CDC23: variants seen among roughly 807,000 people sequenced by gnomAD.
The protein encoded by CDC23 is cell division cycle protein 23 homolog.
CDC23 carries 26 observed loss-of-function variants against 81.7 expected under a neutral mutation model. The observed-to-expected ratio is 0.32, with a 90% CI of 0.23 to 0.44. CDC23 has a LOEUF of 0.44. CDC23 is among the 20% of genes least tolerant of loss of function. The probability of loss-of-function intolerance (pLI) is 1.00; values close to 1 mark genes in which losing one functional copy is unlikely to be tolerated. For synonymous variants in CDC23, 267 were observed against 270.8 expected, an observed-to-expected ratio of 0.99 and a Z score of 0.14; for missense variants, 519 against 728.0, an observed-to-expected ratio of 0.71 and a Z score of 3.30.
chr5:138,195,708 C>CACAT (rs1474119519), intron 9 of CDC23, among the ~76,000 whole-genome samples: 7 of 59,094 alleles, frequency 1.2e-4, no homozygotes, highest in Non-Finnish European at 2.5e-4. Flanking sequence ...TGCATATATA[C>CACAT]ATATAATATA....
intron 9 of CDC23, among the ~76,000 whole-genome samples, chr5:138,194,360 C>T (rs1754859895): frequency 6.6e-6 from 1 of 151,848 alleles, no homozygotes; most frequent in Non-Finnish European, 1.5e-5. Flanking sequence ...CAGGAGAAAG[C>T]TTGAGCCCAG....
At chr5:138,212,968 G>A in intron 2 of CDC23, 23 bp downstream of exon 2, 3 of 1,601,516 alleles carry the variant, frequency 1.9e-6, no homozygotes, top group Non-Finnish European at 2.6e-6. Flanking sequence ...GATGGGGAGC[G>A]CTCACTGTAA....
chr5:138,192,955 A>T (rs1754842917), intron 9 of CDC23, among the ~76,000 whole-genome samples: 1 of 152,186 alleles, frequency 6.6e-6, no homozygotes, highest in African/African-American at 2.4e-5. Flanking sequence ...TCTGAGACAA[A>T]GTCTTGCTTT....
rs544095600 is a variant in CDC23, at chr5:138,200,122, TTTTG to T, written c.654+981_654+984del. Among the ~76,000 whole-genome samples, 716 of 152,132 alleles carry T rather than the reference TTTTG, an allele frequency of 4.7e-3. 3 individuals are homozygous for T. Among genetic ancestry groups the T allele is most frequent in the African/African-American group, 0.014 (566 of 41,482 alleles). On this transcript the variant is annotated intron_variant, in intron 6 of 15. Transcript: ENST00000394886. ...CAGCTCAGAAGAGGCCTGAACAATTTTTTGTTTGTTTGTTTGTTTGTTTGTTTGA... is the reference window on the plus strand; with the variant it reads ...CAGCTCAGAAGAGGCCTGAACAATTTTTTGTTTGTTTGTTTGTTTGTTTGA...
rs1324240219 is a variant in CDC23, at chr5:138,197,100, A to T, written c.1012+1099T>A. 6.7e-5 allele frequency among the ~76,000 whole-genome samples: 10 copies of T among 148,440 alleles called. 1 individual carries two copies. The highest frequency in any genetic ancestry group is 2.0e-4 in the African/African-American group (8 of 39,544). ...AAAAAGAACTGTTAAAAATATGTTT[A>T]AAAAAAAAGAATCGTTGTAGTAGTA... On this transcript the variant is annotated intron_variant, in intron 9 of 15. Coordinates refer to ENST00000394886, the MANE Select transcript of CDC23 (RefSeq NM_004661.4).
intron 9 of CDC23, 92 bp downstream of exon 9, chr5:138,198,107 G>A (rs142183527): frequency 1.6e-5 from 15 of 958,516 alleles, no homozygotes; most frequent in African/African-American, 8.3e-5. Context: ...CTAAAGGCAC[G>A]CACCACCATC....
chr5:138,191,803 C>T, intron 12 of CDC23, 59 bp downstream of exon 12: 1 of 1,347,330 alleles, frequency 7.4e-7, no homozygotes, highest in Non-Finnish European at 1.1e-6. Context: ...ACAGATAGCC[C>T]AACCTTCATC....
chr5:138,212,605 C>T (rs946536373), intron 2 of CDC23, among the ~76,000 whole-genome samples: 23 of 152,132 alleles, frequency 1.5e-4, no homozygotes, highest in African/African-American at 5.6e-4. Context: ...CGTGAGCCAC[C>T]GCGCCAGACC....
At position 138,189,673 on chromosome 5, in the gene CDC23, T is replaced by G; in HGVS notation, c.1583A>C (p.Glu528Ala). Residue 528 changes from glutamate (E) to alanine (A), a missense_variant, in exon 15 of 16, where the codon GAA (glutamate) becomes GCA (alanine). Glu to Ala is a moderately radical substitution (Grantham distance 107). Transcript: ENST00000394886. The stretch of plus-strand genomic sequence containing the variant: ...ACACTTTTGTGCACAAGTTGAAGCT[T>G]CATCCCACAGTTTGCACTTAAAATA... ...QYYFKCKLWD[E>A]ASTCAQKCCA... 6.2e-7 allele frequency: 1 copy of G among 1,614,040 alleles called. No homozygotes were observed. The highest frequency in any genetic ancestry group is 8.5e-7 in the Non-Finnish European group (1 of 1,179,922).
intron 9 of CDC23, among the ~76,000 whole-genome samples, chr5:138,196,097 T>C (rs1754901915): frequency 2.0e-5 from 3 of 151,680 alleles, no homozygotes; most frequent in African/African-American, 7.3e-5. Flanking sequence ...TTTTGTCATA[T>C]CTAATGTTCC....
rs1303022495 is a variant in CDC23, at chr5:138,189,579, T to C, written c.1623+54A>G. 2.6e-6 allele frequency: 4 copies of C among 1,561,834 alleles called. No individual in the cohort carries two copies. In the South Asian group the frequency reaches 3.5e-5, roughly 14 times the overall value. On this transcript the variant is annotated intron_variant, in intron 15 of 15. Transcript: ENST00000394886. ...GGCCAAGGTAGGCTTTCCACTTAAA[T>C]ATCTTATGTTCTAGCCTAAAATTCA...
intron 6 of CDC23, among the ~76,000 whole-genome samples, chr5:138,200,061 A>G (rs952498806): frequency 1.3e-5 from 2 of 152,224 alleles, no homozygotes; most frequent in African/African-American, 4.8e-5. Flanking sequence ...TTATTTCTTT[A>G]ATAAGCAAAT....
chr5:138,189,566 C>A, intron 15 of CDC23, 67 bp downstream of exon 15: 1 of 1,525,434 alleles, frequency 6.6e-7, no homozygotes, highest in South Asian at 1.2e-5. Flanking sequence ...CCAAGGTAGG[C>A]TTTCCACTTA....
chr5:138,213,208 T>C lies in CDC23; in HGVS notation c.105A>G (p.Gln35=), dbSNP rs1402556538. The C allele has an allele frequency of 4.3e-6, 7 of 1,614,154 alleles. No individual in the cohort carries two copies. Among genetic ancestry groups the C allele is most frequent in the Non-Finnish European group, 5.9e-6 (7 of 1,180,030 alleles). ...DFSDLREIKK[Q]LLLIAGLTRE... is the part of the protein sequence containing the mutation. ...GGGTAAGGCCCGCAATAAGCAGCAG[T>C]TGCTTTTTAATTTCCCGCAAATCTG... The change falls in exon 1 of 16, where the codon CAA becomes CAG. Residue 35 remains glutamine (Q), a synonymous_variant. Transcript: ENST00000394886.
chr5:138,191,704 C>T (rs969928871), intron 12 of CDC23, among the ~76,000 whole-genome samples, 158 bp downstream of exon 12: 3 of 152,150 alleles, frequency 2.0e-5, no homozygotes, highest in Non-Finnish European at 4.4e-5. Flanking sequence ...CCACTGATGA[C>T]CTTGGCCCAG....
At chr5:138,192,830 ATC>A (rs1428856426) in intron 9 of CDC23, among the ~76,000 whole-genome samples, 173 bp from the exon 10 acceptor site, 2 of 152,230 alleles carry the variant, frequency 1.3e-5, no homozygotes, top group African/African-American at 2.4e-5. Flanking sequence ...AATATATTTC[ATC>A]TGTCACACAT....
chr5:138,199,612 T>C (rs939700868), intron 6 of CDC23, among the ~76,000 whole-genome samples: 34 of 152,132 alleles, frequency 2.2e-4, no homozygotes, highest in Non-Finnish European at 1.3e-4. Context: ...AAAGTAACTA[T>C]GGTTATGTCT....
chr5:138,191,685 CTG>C, intron 12 of CDC23, 150 bp from the exon 13 acceptor site: 1 of 934,806 alleles, frequency 1.1e-6, no homozygotes, highest in Non-Finnish European at 1.7e-6. Context: ...AGGCTACACA[CTG>C]ACATTCCCAC....
In CDC23 at chr5:138,213,221, T is replaced by C; in HGVS notation, c.92A>G (p.Glu31Gly). ...SINSDFSDLR[E>G]IKKQLLLIAG... ...AATAAGCAGCAGTTGCTTTTTAATT[T>C]CCCGCAAATCTGAGAAATCGCTGTT... The change falls in exon 1 of 16, where the codon GAA becomes GGA. Residue 31 changes from glutamate to glycine, a missense_variant. Around this residue, in one of 4 missense-constraint regions of CDC23, gnomAD observed 126 missense variants for 116.2 expected, o/e 1.08. Transcript: ENST00000394886. 1 of 1,614,096 alleles carries C rather than the reference T, an allele frequency of 6.2e-7. No homozygotes were observed. The highest frequency in any genetic ancestry group is 1.1e-5 in the South Asian group (1 of 91,068).
Sources: allele counts gnomAD v4.1 joint callset (sites outside exome capture counted in the v4.1 genomes callset), GRCh38; gene constraint gnomAD v4.1.1; regional missense constraint gnomAD v4.1.1; transcripts MANE v1.5; gene names NCBI Gene and HGNC (gene_info 2026-07-23, HGNC 2026-07-21).